Variants in SMCHD1 observed in about 807,000 individuals in gnomAD.
SMCHD1 encodes structural maintenance of chromosomes flexible hinge domain-containing protein 1.
In SMCHD1, 78 loss-of-function variants were observed where a neutral mutation model predicts 254.7. The ratio of observed to expected loss-of-function variants is 0.31; its 90% confidence interval spans 0.26 to 0.37. SMCHD1 has a LOEUF of 0.37. SMCHD1 is among the 10% of genes least tolerant of loss of function. The probability of loss-of-function intolerance (pLI) is 1.00; values close to 1 mark genes in which losing one functional copy is unlikely to be tolerated. For missense variants in SMCHD1, 1,840 were observed against 2,408.1 expected, an observed-to-expected ratio of 0.76 and a Z score of 4.94; for synonymous variants, 766 against 794.9, an observed-to-expected ratio of 0.96 and a Z score of 0.61.
At chr18:2,799,404 C>T (rs948357987) in intron 47 of SMCHD1, among the ~76,000 whole-genome samples, 2 of 152,148 alleles carry the variant, frequency 1.3e-5, no homozygotes, top group Non-Finnish European at 2.9e-5. Flanking sequence ...AGCTGATGAT[C>T]GTAAAATCTT....
Position 2,718,090 on chromosome 18 carries a change from A to G in SMCHD1, c.2261-68A>G, listed in dbSNP as rs1445593872. Reference sequence around the variant, plus strand: ...CAAATAGGTATTTGGTGCCAATGTGACATTGCGTATTTCATGTTTTACGTT... The same window carrying G: ...CAAATAGGTATTTGGTGCCAATGTGGCATTGCGTATTTCATGTTTTACGTT... On this transcript the variant is annotated intron_variant, in intron 17 of 47. Transcript: ENST00000320876. This position sits in a 1 kb window ranked among gnomAD's most constrained non-coding sequence, Gnocchi z 4.6. 2 of 1,227,112 alleles carry G rather than the reference A, an allele frequency of 1.6e-6. No homozygotes were observed. The highest frequency in any genetic ancestry group is 1.5e-5 in the African/African-American group (1 of 66,000). The allele number at this position is 1,227,112 out of a possible 1,614,324, so 76.0% of individuals were successfully genotyped here. A position where few individuals can be genotyped will look rare whatever the true frequency, so the allele number is the denominator to read the frequency against.
At chr18:2,774,126 AT>A (rs142753043) in intron 41 of SMCHD1, among the ~76,000 whole-genome samples, 3,958 of 151,498 alleles carry the variant, frequency 0.026, 180 homozygotes, top group African/African-American at 0.09. Flanking sequence ...CAGTTTTAAG[AT>A]TTTTTTTTCA....
chr18:2,673,088 T>G (rs1170970483), intron 3 of SMCHD1, 193 bp from the exon 4 acceptor site: 1 of 985,342 alleles, frequency 1.0e-6, no homozygotes, highest in African/African-American at 1.7e-5. Flanking sequence ...AAGTACTGAT[T>G]GATGACTGCT....
rs535258085 is a variant in SMCHD1 at position 2,771,945 on chromosome 18, T to C, written c.5053-305T>C. On this transcript the variant is annotated intron_variant, in intron 40 of 47. Coordinates refer to ENST00000320876, the MANE Select transcript of SMCHD1 (RefSeq NM_015295.3). ...TAAAAAGCAATCTAGATTTTTAAAA[T>C]TTATATTCTTTTATATGTGTAACTC... Among the ~76,000 whole-genome samples the C allele has an allele frequency of 5.3e-5, 8 of 152,266 alleles. No homozygotes were observed. In the South Asian group the frequency reaches 1.7e-3, roughly 32 times the overall value.
intron 30 of SMCHD1, among the ~76,000 whole-genome samples, chr18:2,747,862 A>G (rs1443334998): frequency 6.6e-6 from 1 of 152,228 alleles, no homozygotes; most frequent in Non-Finnish European, 1.5e-5. Flanking sequence ...AACATTGTAC[A>G]GTTATGGCTG....
intron 5 of SMCHD1, among the ~76,000 whole-genome samples, chr18:2,680,449 C>T (rs2073898963): frequency 1.3e-5 from 2 of 152,166 alleles, no homozygotes; most frequent in South Asian, 4.1e-4. Context: ...CAAACATTAT[C>T]TTAAGTGCCT....
chr18:2,703,185 T>C (rs1316534062), intron 12 of SMCHD1, among the ~76,000 whole-genome samples: 1 of 152,192 alleles, frequency 6.6e-6, no homozygotes, highest in East Asian at 1.9e-4. Context: ...AAGGAGTCTT[T>C]CTTGGCATCT....
At chr18:2,750,663 G>A (rs1238440920) in intron 32 of SMCHD1, among the ~76,000 whole-genome samples, 156 bp downstream of exon 32, 1 of 152,008 alleles carries the variant, frequency 6.6e-6, no homozygotes, top group African/African-American at 2.4e-5. Context: ...TAAGTCAATA[G>A]GAAATTAGTT....
intron 41 of SMCHD1, among the ~76,000 whole-genome samples, chr18:2,774,893 T>C (rs766756184): frequency 1.3e-5 from 2 of 152,198 alleles, no homozygotes; most frequent in Non-Finnish European, 2.9e-5. Flanking sequence ...GATGATTGGG[T>C]GTTCACGCAC....
intron 17 of SMCHD1, among the ~76,000 whole-genome samples, chr18:2,715,616 G>A (rs183128166): frequency 2.6e-4 from 39 of 152,256 alleles, no homozygotes; most frequent in African/African-American, 8.7e-4. Context: ...ATCCCAGGAG[G>A]CTGAAGTGGG....
Position 2,777,864 on chromosome 18 carries a change from T to G in SMCHD1, c.5425T>G (p.Phe1809Val). Residue 1809 changes from phenylalanine to valine, a missense_variant, in exon 43 of 48, where the codon TTT becomes GTT. Transcript: ENST00000320876. ...TTTTAAACCCATTGGAGATCCAGTC[T>G]TTGCTCGAGACTTGTTAACATTTCC... The part of the protein sequence containing the change: ...LYFKPIGDPV[F>V]ARDLLTFPDN... The G allele has an allele frequency of 6.4e-7, 1 of 1,552,296 alleles. No homozygotes were observed.
intron 30 of SMCHD1, 58 bp from the exon 31 acceptor site, chr18:2,749,985 G>A (rs2075540820): frequency 7.1e-7 from 1 of 1,410,044 alleles, no homozygotes; most frequent in Non-Finnish European, 9.7e-7. Flanking sequence ...TGGAAGAAAA[G>A]AACTTGATTG....
intron 34 of SMCHD1, among the ~76,000 whole-genome samples, chr18:2,760,057 C>T (rs188418118): frequency 6.6e-6 from 1 of 152,210 alleles, no homozygotes; most frequent in Admixed American, 6.5e-5. Flanking sequence ...GAATGACATG[C>T]AAAAGCTACC....
At chr18:2,740,579 G>T in intron 27 of SMCHD1, 124 bp from the exon 28 acceptor site, 1 of 419,410 alleles carries the variant, frequency 2.4e-6, no homozygotes, top group Non-Finnish European at 4.1e-6. Context: ...TATTATTTTT[G>T]TACCAAAAAT....
chr18:2,731,783 C>T (rs2075144840), intron 24 of SMCHD1, among the ~76,000 whole-genome samples: 1 of 152,114 alleles, frequency 6.6e-6, no homozygotes, highest in Admixed American at 6.5e-5. Context: ...AGACCGAGGC[C>T]AGTGGATCAC....
At chr18:2,657,128 G>GA (rs1367794207) in intron 1 of SMCHD1, among the ~76,000 whole-genome samples, 5 of 152,038 alleles carry the variant, frequency 3.3e-5, no homozygotes, top group Non-Finnish European at 2.9e-5. Flanking sequence ...GCGTCCAAGG[G>GA]AAAAAAAGAA....
chr18:2,797,978 A>G (rs1298770149), intron 47 of SMCHD1, among the ~76,000 whole-genome samples: 1 of 152,158 alleles, frequency 6.6e-6, no homozygotes, highest in Non-Finnish European at 1.5e-5. Context: ...ATAATAGGGA[A>G]ACAATATCAG....
At chr18:2,705,036 T>A (rs956364564) in intron 13 of SMCHD1, among the ~76,000 whole-genome samples, 13 of 152,136 alleles carry the variant, frequency 8.5e-5, no homozygotes, top group African/African-American at 3.1e-4. Context: ...TTAGTGGTAA[T>A]GGAGTAAAGT....
chr18:2,733,970 G>A (rs1568264582), intron 25 of SMCHD1, among the ~76,000 whole-genome samples: 1 of 152,130 alleles, frequency 6.6e-6, no homozygotes, highest in Non-Finnish European at 1.5e-5. Flanking sequence ...AACATGTTTG[G>A]CACTATGTAG....
Sources: allele counts gnomAD v4.1 joint callset (sites outside exome capture counted in the v4.1 genomes callset), GRCh38; gene constraint gnomAD v4.1.1; non-coding constraint Gnocchi (gnomAD v3.1); transcripts MANE v1.5; gene names NCBI Gene and HGNC (gene_info 2026-07-23, HGNC 2026-07-21).